ENTREP2: variants seen among roughly 807,000 people sequenced by gnomAD.
ENTREP2 encodes protein ENTREP2.
the ENTREP2 span, among the ~76,000 whole-genome samples, chr15:29,362,283 G>C: frequency 6.6e-6 from 1 of 151,976 alleles, no homozygotes; most frequent in South Asian, 2.1e-4. Flanking sequence ...ATTGTTTCCA[G>C]GTGAATTCAA....
the ENTREP2 span, among the ~76,000 whole-genome samples, chr15:29,656,968 T>C: frequency 3.9e-5 from 6 of 152,194 alleles, no homozygotes; most frequent in Admixed American, 1.3e-4. Flanking sequence ...CTTGTGATTA[T>C]GTGTCTGCAG....
the ENTREP2 span, among the ~76,000 whole-genome samples, chr15:29,229,042 G>A: frequency 6.6e-6 from 1 of 152,028 alleles, no homozygotes; most frequent in African/African-American, 2.4e-5. Flanking sequence ...AAAATGCTAT[G>A]GAAAATTAAA....
chr15:29,136,843 T>C, the ENTREP2 span, among the ~76,000 whole-genome samples: 1 of 152,206 alleles, frequency 6.6e-6, no homozygotes, highest in Non-Finnish European at 1.5e-5. Context: ...GCAACACCTG[T>C]CTGCCTCCGG....
chr15:29,617,977 G>A, the ENTREP2 span, among the ~76,000 whole-genome samples: 1 of 152,148 alleles, frequency 6.6e-6, no homozygotes, highest in Non-Finnish European at 1.5e-5. Flanking sequence ...TAACTAGCTG[G>A]TTAGTTCCTG....
At chr15:29,668,512 C>T in the ENTREP2 span, among the ~76,000 whole-genome samples, 7 of 152,284 alleles carry the variant, frequency 4.6e-5, no homozygotes, top group Admixed American at 2.0e-4. Flanking sequence ...ACCACTCAAA[C>T]GCCCGTCAAC....
chr15:29,195,168 C>T, the ENTREP2 span: 139 of 985,262 alleles, frequency 1.4e-4, no homozygotes, highest in Middle Eastern at 5.2e-4. Context: ...CCTCCAACCC[C>T]GCTGCATCTG....
chr15:29,605,388 CACAAAT>C, the ENTREP2 span, among the ~76,000 whole-genome samples: 7 of 152,180 alleles, frequency 4.6e-5, no homozygotes, highest in Non-Finnish European at 1.0e-4. Flanking sequence ...TCTATGCATA[CACAAAT>C]ACCTCCTCTA....
chr15:29,566,844 A>ATACAC, the ENTREP2 span, among the ~76,000 whole-genome samples: 10 of 62,658 alleles, frequency 1.6e-4, no homozygotes, highest in African/African-American at 1.3e-3. Context: ...TTAAAGGAAA[A>ATACAC]ATACACACAC....
At chr15:29,540,963 C>T in the ENTREP2 span, among the ~76,000 whole-genome samples, 1 of 152,186 alleles carries the variant, frequency 6.6e-6, no homozygotes, top group Admixed American at 6.5e-5. Flanking sequence ...TAGACTCTAT[C>T]TGTGGAAATG....
the ENTREP2 span, among the ~76,000 whole-genome samples, chr15:29,539,381 CA>C: frequency 6.6e-6 from 1 of 152,144 alleles, no homozygotes; most frequent in East Asian, 1.9e-4. Context: ...CCTTTTGTTT[CA>C]GTGCAATCAC....
the ENTREP2 span, among the ~76,000 whole-genome samples, chr15:29,229,029 A>G: frequency 6.6e-6 from 1 of 152,170 alleles, no homozygotes; most frequent in Non-Finnish European, 1.5e-5. Flanking sequence ...AAAGAAATCT[A>G]TGAAAATGCT....
At chr15:29,390,333 C>T in the ENTREP2 span, among the ~76,000 whole-genome samples, 1 of 152,128 alleles carries the variant, frequency 6.6e-6, no homozygotes, top group Non-Finnish European at 1.5e-5. Flanking sequence ...GTTTAATTTA[C>T]AGGTATCATT....
chr15:29,399,934 G>T, the ENTREP2 span, among the ~76,000 whole-genome samples: 1 of 152,114 alleles, frequency 6.6e-6, no homozygotes, highest in Non-Finnish European at 1.5e-5. Flanking sequence ...GGAAGAGGAG[G>T]GCTCAGTCTT....
chr15:29,392,347 G>GC, the ENTREP2 span, among the ~76,000 whole-genome samples: 1 of 149,616 alleles, frequency 6.7e-6, no homozygotes, highest in African/African-American at 2.5e-5. Flanking sequence ...CAAAAGTTAT[G>GC]ACCCCCCCCA....
the ENTREP2 span, among the ~76,000 whole-genome samples, chr15:29,371,544 G>A: frequency 3.3e-5 from 5 of 152,054 alleles, no homozygotes; most frequent in South Asian, 1.0e-3. Context: ...TAACCTGTGG[G>A]GGGAGGTGAG....
chr15:29,420,220 A>C, the ENTREP2 span, among the ~76,000 whole-genome samples: 5 of 152,190 alleles, frequency 3.3e-5, no homozygotes, highest in African/African-American at 1.2e-4. Flanking sequence ...CTAATCAAGG[A>C]AGTAGATATG....
chr15:29,644,568 C>T, the ENTREP2 span, among the ~76,000 whole-genome samples: 4 of 151,974 alleles, frequency 2.6e-5, no homozygotes, highest in African/African-American at 7.2e-5. Flanking sequence ...TTTGGGAGGC[C>T]GAGGCGGGTG....
At chr15:29,632,519 T>C in the ENTREP2 span, among the ~76,000 whole-genome samples, 6 of 152,170 alleles carry the variant, frequency 3.9e-5, no homozygotes, top group African/African-American at 7.2e-5. Flanking sequence ...CGGTGGCTCA[T>C]GCCTGTAATC....
chr15:29,126,179 G>T, the ENTREP2 span: 2 of 1,068,554 alleles, frequency 1.9e-6, no homozygotes, highest in Non-Finnish European at 2.6e-6. Context: ...GCAGGGCCGG[G>T]CCTCCACTCT....
Sources: allele counts gnomAD v4.1 joint callset (sites outside exome capture counted in the v4.1 genomes callset), GRCh38; gene constraint gnomAD v4.1.1; transcripts MANE v1.5; gene names NCBI Gene and HGNC (gene_info 2026-07-23, HGNC 2026-07-21).